The following MTHFD1L variants were observed in gnomAD, a reference collection of about 807,000 sequenced individuals.
MTHFD1L encodes monofunctional C1-tetrahydrofolate synthase, mitochondrial.
A neutral mutation model predicts 119.5 loss-of-function variants in MTHFD1L; 81 were observed. The observed-to-expected ratio is 0.68, with a 90% CI of 0.57 to 0.82. The LOEUF (loss-of-function observed/expected upper bound fraction) is 0.82, where lower values mean the gene tolerates loss of function less well. Among genes scored for constraint, MTHFD1L ranks in the 40% least tolerant of loss-of-function variants. The probability of loss-of-function intolerance (pLI) is 0.00; values close to 1 mark genes in which losing one functional copy is unlikely to be tolerated. For synonymous variants in MTHFD1L, 430 were observed against 475.2 expected, an observed-to-expected ratio of 0.90 and a Z score of 1.24; for missense variants, 1,125 against 1,253.4, an observed-to-expected ratio of 0.90 and a Z score of 1.55.
chr6:150,866,213 C>A (rs9397361), intron 1 of MTHFD1L, 164 bp downstream of exon 1: 2 of 1,367,234 alleles, frequency 1.5e-6, no homozygotes, highest in South Asian at 1.5e-5. Context: ...CGGGCTTGGG[C>A]ACTGCGGCCG....
chr6:151,006,999 C>T (rs1022693274), intron 20 of MTHFD1L, among the ~76,000 whole-genome samples: 1 of 152,114 alleles, frequency 6.6e-6, no homozygotes, highest in African/African-American at 2.4e-5. Flanking sequence ...ACTAATCAGG[C>T]CAGTGAACCA....
intron 10 of MTHFD1L, among the ~76,000 whole-genome samples, chr6:150,922,766 C>G (rs1789209921): frequency 6.6e-6 from 1 of 151,618 alleles, no homozygotes; most frequent in Admixed American, 6.6e-5. Flanking sequence ...GCCTCAGCCT[C>G]CCGGGTAGCT....
chr6:150,867,488 A>G (rs553382722), intron 1 of MTHFD1L, among the ~76,000 whole-genome samples: 2 of 152,278 alleles, frequency 1.3e-5, no homozygotes, highest in South Asian at 4.1e-4. Flanking sequence ...TTAGGTTTTA[A>G]CCTGCACGTT....
At position 151,039,056 on chromosome 6, in the gene MTHFD1L, A is replaced by G. The variant is rs906629469; in HGVS notation, c.2847+1939A>G. ...AGGATATGGGTGAAGGCAGTCGTTAAACAAGAGACACAGGGATAGCTGGAA... is the reference window on the plus strand; with the variant it reads ...AGGATATGGGTGAAGGCAGTCGTTAGACAAGAGACACAGGGATAGCTGGAA... On this transcript the variant is annotated intron_variant, in intron 26 of 27. Transcript: ENST00000367321. The surrounding 1 kb of genome is among the most constrained non-coding windows in gnomAD (Gnocchi z 4.4). Among the ~76,000 whole-genome samples, 13 of 152,178 alleles carry G rather than the reference A, an allele frequency of 8.5e-5. No individual in the cohort carries two copies. Among genetic ancestry groups the G allele is most frequent in the African/African-American group, 3.1e-4 (13 of 41,430 alleles).
intron 20 of MTHFD1L, among the ~76,000 whole-genome samples, chr6:150,992,871 A>G (rs1779240924): frequency 6.6e-6 from 1 of 152,200 alleles, no homozygotes; most frequent in Non-Finnish European, 1.5e-5. Flanking sequence ...AGACATGAAC[A>G]GTGCTGAGAT....
chr6:150,885,550 T>C, intron 5 of MTHFD1L, 84 bp from the exon 6 acceptor site: 1 of 915,016 alleles, frequency 1.1e-6, no homozygotes, highest in Non-Finnish European at 1.8e-6. Flanking sequence ...TGGATGTTAT[T>C]TGGGGTTAAT....
At chr6:151,099,676 G>T in intron 27 of MTHFD1L, 1 of 1,606,670 alleles carries the variant, frequency 6.2e-7, no homozygotes, top group African/African-American at 1.3e-5. Flanking sequence ...AAGATTCAGG[G>T]TCCAGATCTT....
intron 26 of MTHFD1L, among the ~76,000 whole-genome samples, chr6:151,053,022 A>G (rs1395480775): frequency 6.6e-6 from 1 of 152,230 alleles, no homozygotes; most frequent in Non-Finnish European, 1.5e-5. Context: ...TGGTTTCTAA[A>G]TGGACTATTA....
chr6:150,901,062 G>T (rs1235551178), intron 7 of MTHFD1L, among the ~76,000 whole-genome samples: 1 of 151,928 alleles, frequency 6.6e-6, no homozygotes, highest in Non-Finnish European at 1.5e-5. Flanking sequence ...TTTGACATCT[G>T]AGAAAAGTGA....
intron 26 of MTHFD1L, chr6:151,055,840 A>G (rs931645599): frequency 2.0e-5 from 3 of 152,114 alleles, no homozygotes; most frequent in African/African-American, 4.8e-5. Flanking sequence ...TGCTGATTCT[A>G]TAGTCTTATT....
intron 9 of MTHFD1L, among the ~76,000 whole-genome samples, chr6:150,918,917 A>G (rs1421919460): frequency 2.0e-5 from 3 of 152,176 alleles, no homozygotes; most frequent in Non-Finnish European, 4.4e-5. Context: ...GTAATAAATT[A>G]TCCCAAAATT....
At chr6:151,049,084 G>A (rs891557416) in intron 26 of MTHFD1L, among the ~76,000 whole-genome samples, 9 of 152,252 alleles carry the variant, frequency 5.9e-5, no homozygotes, top group Non-Finnish European at 8.8e-5. Flanking sequence ...AGCCGGGCAC[G>A]GTGGCTCATG....
chr6:151,026,103 CA>C (rs1400733989), intron 24 of MTHFD1L, among the ~76,000 whole-genome samples: 1 of 152,148 alleles, frequency 6.6e-6, no homozygotes, highest in Non-Finnish European at 1.5e-5. Context: ...CACTAAAAAA[CA>C]GGACTTCAAT....
chr6:151,005,574 A>G (rs1351658678), intron 20 of MTHFD1L, among the ~76,000 whole-genome samples: 2 of 151,864 alleles, frequency 1.3e-5, no homozygotes, highest in East Asian at 3.9e-4. Flanking sequence ...TTTGTTTCCA[A>G]TTGGTCTCTT....
intron 26 of MTHFD1L, among the ~76,000 whole-genome samples, chr6:151,074,320 G>T (rs896045738): frequency 6.6e-6 from 1 of 152,158 alleles, no homozygotes. Context: ...AATAGTAACC[G>T]CATGGATAGA....
chr6:150,912,815 T>C (rs1787150400), intron 8 of MTHFD1L: 1 of 369,372 alleles, frequency 2.7e-6, no homozygotes, highest in African/African-American at 2.1e-5. Context: ...TGGACTGTGA[T>C]CCCAGGATAT....
intron 26 of MTHFD1L, among the ~76,000 whole-genome samples, chr6:151,057,042 A>C (rs1790055442): frequency 6.6e-6 from 1 of 152,140 alleles, no homozygotes; most frequent in Admixed American, 6.5e-5. Flanking sequence ...TCTCCATATG[A>C]ACCAGACATA....
At chr6:151,005,930 G>A (rs1781324974) in intron 20 of MTHFD1L, among the ~76,000 whole-genome samples, 1 of 152,104 alleles carries the variant, frequency 6.6e-6, no homozygotes, top group Non-Finnish European at 1.5e-5. Flanking sequence ...TGATAGGGAG[G>A]ACTAAGAACA....
Position 150,929,893 on chromosome 6 carries a change from C to T in MTHFD1L, c.1256+3598C>T, listed in dbSNP as rs146936357. The stretch of plus-strand genomic sequence containing the variant: ...TTTAACTGTAGTGGAAAAAAATAAC[C>T]GTGCTGGTAAGATTATGATATATGT... On this transcript the variant is annotated intron_variant, in intron 11 of 27. Coordinates refer to ENST00000367321, the MANE Select transcript of MTHFD1L (RefSeq NM_015440.5). Among the ~76,000 whole-genome samples the T allele has an allele frequency of 5.7e-3, 866 of 151,980 alleles. 2 individuals carry two copies. The highest frequency in any genetic ancestry group is 0.011 in the South Asian group (54 of 4,816).
Sources: allele counts gnomAD v4.1 joint callset (sites outside exome capture counted in the v4.1 genomes callset), GRCh38; gene constraint gnomAD v4.1.1; non-coding constraint Gnocchi (gnomAD v3.1); transcripts MANE v1.5; gene names NCBI Gene and HGNC (gene_info 2026-07-23, HGNC 2026-07-21).